Variants in NALCN observed in about 807,000 individuals in gnomAD.
The protein encoded by NALCN is sodium leak channel, non-selective.
A neutral mutation model predicts 225.3 loss-of-function variants in NALCN; 111 were observed. The ratio of observed to expected loss-of-function variants is 0.49; its 90% CI spans 0.42 to 0.58. The LOEUF is 0.58. NALCN is among the 20% of genes least tolerant of loss of function. NALCN has a pLI of 0.00. For missense variants in NALCN, 1,378 were observed against 2,202.4 expected (o/e 0.63, Z 7.49); for synonymous variants, 764 against 769.0 (o/e 0.99, Z 0.11).
intron 6 of NALCN, among the ~76,000 whole-genome samples, chr13:101,372,877 T>G (rs562030055): frequency 6.6e-6 from 1 of 151,808 alleles, no homozygotes; most frequent in Non-Finnish European, 1.5e-5. Context: ...TAGAGAACAT[T>G]AAATAGGGCA....
At chr13:101,060,075 G>A (rs1271163877) in intron 41 of NALCN, 108 bp from the exon 42 acceptor site, 2 of 1,220,618 alleles carry the variant, frequency 1.6e-6, no homozygotes, top group African/African-American at 3.0e-5. Flanking sequence ...CTGCATGACG[G>A]GTGACCTCTT....
chr13:101,200,284 A>G (rs1594421271), intron 13 of NALCN, among the ~76,000 whole-genome samples: 1 of 152,144 alleles, frequency 6.6e-6, no homozygotes, highest in East Asian at 1.9e-4. Context: ...TATTCAGGCC[A>G]ATGACCCTGA....
At chr13:101,335,388 A>G (rs1415488213) in intron 7 of NALCN, among the ~76,000 whole-genome samples, 4 of 152,048 alleles carry the variant, frequency 2.6e-5, no homozygotes, top group Non-Finnish European at 4.4e-5. Context: ...TCAAGCACAC[A>G]TTTCATGTAA....
chr13:101,258,685 C>T (rs1459839315), intron 10 of NALCN, 111 bp from the exon 11 acceptor site: 2 of 1,452,560 alleles, frequency 1.4e-6, no homozygotes, highest in Non-Finnish European at 1.9e-6. Context: ...CTATGCAAAA[C>T]AGGGCTTCCA....
In NALCN at chr13:101,203,911, G is replaced by T. The variant is rs898112709; in HGVS notation, c.1627-11857C>A. On this transcript the variant is annotated intron_variant, in intron 13 of 43. Coordinates refer to ENST00000251127, the MANE Select transcript of NALCN (RefSeq NM_052867.4). ...CTTTTGGTGCTGTCAACTCATCAGGGTCTTCTACTGAATCAACAGTAAAAA... is the reference window on the plus strand; with the variant it reads ...CTTTTGGTGCTGTCAACTCATCAGGTTCTTCTACTGAATCAACAGTAAAAA... 3.9e-5 allele frequency among the ~76,000 whole-genome samples: 6 copies of T among 152,150 alleles called. No individual in the cohort carries two copies. In the East Asian group the frequency reaches 1.2e-3, roughly 29 times the overall value.
Position 101,257,409 on chromosome 13 carries a change from G to A in NALCN, c.1266+1034C>T, listed in dbSNP as rs540815167. Among the ~76,000 whole-genome samples the A allele has an allele frequency of 5.1e-4, 78 of 152,160 alleles. 2 individuals are homozygous for A. Among genetic ancestry groups the A allele is most frequent in the African/African-American group, 1.7e-3 (71 of 41,536 alleles). ...GATATCCACGTAGATGTCTATGCTC[G>A]TTAGGTACATGCAATCAATTCTTTT... On this transcript the variant is annotated intron_variant, in intron 11 of 43. Coordinates refer to ENST00000251127, the MANE Select transcript of NALCN (RefSeq NM_052867.4).
chr13:101,292,205 G>C lies in NALCN; in HGVS notation c.942+19C>G. The C allele has an allele frequency of 5.6e-6, 9 of 1,613,642 alleles. No individual in the cohort carries two copies. The highest frequency in any genetic ancestry group is 7.6e-6 in the Non-Finnish European group (9 of 1,179,764). ...CTATCACAGAACATAGACTTTCTTA[G>C]TACAATTCTTCGCAGTACCTTCACA... On this transcript the variant is annotated intron_variant, in intron 8 of 43. Transcript: ENST00000251127. The surrounding 1 kb of genome is among the most constrained non-coding windows in gnomAD (Gnocchi z 4.3).
intron 16 of NALCN, among the ~76,000 whole-genome samples, chr13:101,144,462 A>C (rs2037246251): frequency 6.6e-6 from 1 of 152,208 alleles, no homozygotes; most frequent in South Asian, 2.1e-4. Context: ...CAGCTTCTCC[A>C]GTTTCCTGGG....
intron 37 of NALCN, among the ~76,000 whole-genome samples, chr13:101,069,579 A>T (rs566384446): frequency 3.9e-5 from 6 of 152,190 alleles, no homozygotes; most frequent in Non-Finnish European, 8.8e-5. Flanking sequence ...ACAAGTCAAC[A>T]TGGAAGTTTA....
chr13:101,264,939 A>G (rs2042549903), intron 10 of NALCN, among the ~76,000 whole-genome samples: 1 of 152,212 alleles, frequency 6.6e-6, no homozygotes, highest in African/African-American at 2.4e-5. Context: ...CATAAAGTTA[A>G]GAAATGCAAA....
intron 3 of NALCN, among the ~76,000 whole-genome samples, chr13:101,393,528 A>ACC (rs770111801): frequency 1.9e-4 from 29 of 152,344 alleles, no homozygotes; most frequent in South Asian, 6.2e-4. Flanking sequence ...AAAAGCTGAA[A>ACC]CTTAGTGGAC....
intron 15 of NALCN, among the ~76,000 whole-genome samples, chr13:101,166,000 T>A (rs2038420009): frequency 6.6e-6 from 1 of 152,222 alleles, no homozygotes; most frequent in Non-Finnish European, 1.5e-5. Flanking sequence ...CCATACAGAA[T>A]TTGTCTTTTT....
chr13:101,301,277 G>A (rs187191410), intron 7 of NALCN, among the ~76,000 whole-genome samples: 60 of 152,286 alleles, frequency 3.9e-4, no homozygotes, highest in Non-Finnish European at 5.4e-4. Flanking sequence ...CGCCCCCTGC[G>A]CTCGGCAATT....
chr13:101,223,151 T>C (rs2140114153), intron 13 of NALCN, among the ~76,000 whole-genome samples: 1 of 152,220 alleles, frequency 6.6e-6, no homozygotes, highest in South Asian at 2.1e-4. Flanking sequence ...TCACAACCTC[T>C]TCCATGCTAG....
At position 101,080,865 on chromosome 13, in the gene NALCN, A is replaced by G. The variant is rs551674860; in HGVS notation, c.3885+662T>C. Among the ~76,000 whole-genome samples, 293 of 151,944 alleles carry G rather than the reference A, an allele frequency of 1.9e-3. 4 individuals carry two copies. Among genetic ancestry groups the G allele is most frequent in the Admixed American group, 0.019 (284 of 15,214 alleles). ...AAAATGTTAAGTGATATCTGTGGCC[A>G]CATTTTATTTTCATTGGACAATATG... On this transcript the variant is annotated intron_variant, in intron 34 of 43. Transcript: ENST00000251127.
chr13:101,144,736 G>T (rs767892308), intron 16 of NALCN, 24 bp downstream of exon 16: 41 of 1,596,112 alleles, frequency 2.6e-5, no homozygotes, highest in Non-Finnish European at 3.2e-5. Flanking sequence ...TGTGAAATAT[G>T]CAATTAAAGA....
chr13:101,125,320 G>A (rs1348950728), intron 17 of NALCN, among the ~76,000 whole-genome samples: 1 of 152,018 alleles, frequency 6.6e-6, no homozygotes, highest in Non-Finnish European at 1.5e-5. Flanking sequence ...AGGGCAAAGA[G>A]AAAACAGGCA....
At chr13:101,123,968 G>A (rs2036107556) in intron 18 of NALCN, among the ~76,000 whole-genome samples, 1 of 152,170 alleles carries the variant, frequency 6.6e-6, no homozygotes, top group Non-Finnish European at 1.5e-5. Context: ...ATCTTGAGTT[G>A]TGTCATCTAC....
intron 18 of NALCN, among the ~76,000 whole-genome samples, chr13:101,112,261 C>A (rs559385487): frequency 6.6e-6 from 1 of 151,020 alleles, no homozygotes; most frequent in East Asian, 1.9e-4. Context: ...CTGAAGCTTG[C>A]AGCTTACTGG....
Sources: allele counts gnomAD v4.1 joint callset (sites outside exome capture counted in the v4.1 genomes callset), GRCh38; gene constraint gnomAD v4.1.1; non-coding constraint Gnocchi (gnomAD v3.1); transcripts MANE v1.5; gene names NCBI Gene and HGNC (gene_info 2026-07-23, HGNC 2026-07-21).